Variants in UNC5D observed in about 807,000 individuals in gnomAD.
UNC5D encodes the protein unc-5 netrin receptor D, also known as netrin receptor UNC5D.
A neutral mutation model predicts 105.4 loss-of-function variants in UNC5D; 39 were observed. The observed-to-expected ratio is 0.37, with a 90% CI of 0.29 to 0.48. UNC5D has a LOEUF of 0.48. Among genes scored for constraint, UNC5D ranks in the 20% least tolerant of loss-of-function variants. UNC5D has a pLI of 0.98. For synonymous variants in UNC5D, 452 were observed against 450.4 expected (o/e 1.00, Z -0.04); for missense variants, 991 against 1,202.4 (o/e 0.82, Z 2.60).
At chr8:35,765,452 AAAC>A (rs1158888345) in intron 14 of UNC5D, among the ~76,000 whole-genome samples, 1 of 152,206 alleles carries the variant, frequency 6.6e-6, no homozygotes, top group African/African-American at 2.4e-5. Flanking sequence ...GATTAATAAC[AAAC>A]AAAACGACCC....
At chr8:35,777,842 GA>G (rs1442214868) in intron 16 of UNC5D, among the ~76,000 whole-genome samples, 1 of 152,182 alleles carries the variant, frequency 6.6e-6, no homozygotes, top group Non-Finnish European at 1.5e-5. Context: ...ATCTTAAAGT[GA>G]AGGAAGAAGG....
intron 4 of UNC5D, among the ~76,000 whole-genome samples, chr8:35,648,537 G>T (rs1823201842): frequency 6.6e-6 from 1 of 151,852 alleles, no homozygotes; most frequent in African/African-American, 2.4e-5. Flanking sequence ...AAATTAGCCG[G>T]GTATGGTTGC....
chr8:35,526,935 G>A (rs1813917548), intron 1 of UNC5D, among the ~76,000 whole-genome samples: 1 of 152,184 alleles, frequency 6.6e-6, no homozygotes, highest in Admixed American at 6.6e-5. Context: ...ATGTGTAAAT[G>A]ACTGTTTGTA....
chr8:35,527,612 G>A (rs1055653605), intron 1 of UNC5D, among the ~76,000 whole-genome samples: 2 of 151,864 alleles, frequency 1.3e-5, no homozygotes, highest in Non-Finnish European at 2.9e-5. Context: ...GCATGATCTC[G>A]ACTCACTGCA....
intron 4 of UNC5D, among the ~76,000 whole-genome samples, chr8:35,651,950 T>A (rs763948692): frequency 3.3e-5 from 5 of 152,206 alleles, no homozygotes; most frequent in Non-Finnish European, 7.3e-5. Flanking sequence ...GTACAAATGG[T>A]GCTTATCTTT....
chr8:35,469,027 G>A (rs945065199), intron 1 of UNC5D, among the ~76,000 whole-genome samples: 2 of 152,184 alleles, frequency 1.3e-5, no homozygotes, highest in African/African-American at 2.4e-5. Context: ...GGGAGTTGGA[G>A]AGGGTGGTAG....
rs1396237365 is a variant in UNC5D at position 35,683,707 on chromosome 8, C to T, written c.731C>T (p.Ser244Leu). 3 of 1,551,894 alleles carry T rather than the reference C, an allele frequency of 1.9e-6. No homozygotes were observed. Among genetic ancestry groups the T allele is most frequent in the Middle Eastern group, 1.7e-4 (1 of 5,854 alleles). ...ATCGTGGCTAAGAGGAGAAGCCTGT[C>T]GGCCACTGTTGTGGTCTACGGTAAG... ...ANIVAKRRSL[S>L]ATVVVYVNGG... Residue 244 changes from serine to leucine, a missense_variant, in exon 5 of 17, where the codon TCG (serine) becomes TTG (leucine). Physicochemically the swap from Ser to Leu is moderately radical, Grantham distance 145 (BLOSUM62 -2). Around this residue, in one of 3 missense-constraint regions of UNC5D, gnomAD observed 944 missense variants for 1,131.6 expected, o/e 0.83. Transcript: ENST00000404895.
At position 35,787,044 on chromosome 8, in the gene UNC5D, T is replaced by C. The variant is rs568835195; in HGVS notation, c.2658-3315T>C. ...CACGCTCATTCACTTAACATATTGT[T>C]TCTGTCTGTTTTTGCAATACCAAGG... On this transcript the variant is annotated intron_variant, in intron 16 of 16. Transcript: ENST00000404895. 3.3e-5 allele frequency among the ~76,000 whole-genome samples: 5 copies of C among 152,356 alleles called. No homozygotes were observed. The South Asian group carries it at 6.2e-4, about 19-fold the overall frequency.
intron 1 of UNC5D, among the ~76,000 whole-genome samples, chr8:35,482,793 CTTTTTTTTTTT>C (rs5890816): frequency 1.3e-5 from 1 of 78,134 alleles, no homozygotes; most frequent in Non-Finnish European, 2.3e-5. Flanking sequence ...TTAAAGAGAT[CTTTTTTTTTTT>C]TTTTTTTTTT....
At chr8:35,664,320 T>C (rs1332863636) in intron 4 of UNC5D, among the ~76,000 whole-genome samples, 2 of 152,162 alleles carry the variant, frequency 1.3e-5, no homozygotes, top group Non-Finnish European at 2.9e-5. Context: ...TGCTTGGATG[T>C]TTGTTTTAAT....
intron 1 of UNC5D, among the ~76,000 whole-genome samples, chr8:35,538,389 AAAT>A (rs1231665859): frequency 8.5e-6 from 1 of 118,008 alleles, no homozygotes; most frequent in African/African-American, 3.4e-5. Flanking sequence ...ATTTAAAAAA[AAAT>A]AATTATATAT....
At chr8:35,397,888 T>A (rs903839723) in intron 1 of UNC5D, among the ~76,000 whole-genome samples, 2 of 152,186 alleles carry the variant, frequency 1.3e-5, no homozygotes, top group Non-Finnish European at 2.9e-5. Context: ...CACTTCACCT[T>A]GCTCTTAAGA....
At chr8:35,329,098 T>C (rs186689096) in intron 1 of UNC5D, among the ~76,000 whole-genome samples, 17 of 152,168 alleles carry the variant, frequency 1.1e-4, no homozygotes, top group African/African-American at 3.9e-4. Context: ...GTATCTCTTA[T>C]ATATCTAACT....
intron 11 of UNC5D, among the ~76,000 whole-genome samples, chr8:35,734,972 CAG>C (rs1829389917): frequency 6.6e-6 from 1 of 151,604 alleles, no homozygotes; most frequent in South Asian, 2.1e-4. Flanking sequence ...TTAGTAGAGA[CAG>C]GGCATATTGG....
intron 2 of UNC5D, among the ~76,000 whole-genome samples, chr8:35,551,548 G>A (rs974800661): frequency 3.3e-5 from 5 of 152,108 alleles, no homozygotes; most frequent in African/African-American, 7.2e-5. Flanking sequence ...AGCCGGGTGC[G>A]GTGGCTCACG....
chr8:35,790,325 G>A (rs370390249), intron 16 of UNC5D, 34 bp from the exon 17 acceptor site: 69 of 1,596,172 alleles, frequency 4.3e-5, no homozygotes, highest in African/African-American at 2.0e-4. Context: ...TTCATGTTTC[G>A]TTTTGTTCTT....
intron 1 of UNC5D, among the ~76,000 whole-genome samples, chr8:35,536,800 A>G (rs1223616608): frequency 6.6e-6 from 1 of 152,154 alleles, no homozygotes; most frequent in East Asian, 1.9e-4. Flanking sequence ...GTTTGAGACC[A>G]GCCTGGCCAA....
intron 1 of UNC5D, among the ~76,000 whole-genome samples, chr8:35,314,851 C>T (rs1809166853): frequency 1.3e-5 from 2 of 152,076 alleles, no homozygotes; most frequent in Non-Finnish European, 2.9e-5. Flanking sequence ...AACATGGAAA[C>T]ACTACAGTGG....
intron 2 of UNC5D, among the ~76,000 whole-genome samples, chr8:35,549,720 T>A (rs1410776833): frequency 6.6e-6 from 1 of 152,174 alleles, no homozygotes; most frequent in Non-Finnish European, 1.5e-5. Flanking sequence ...CAGAGGCATT[T>A]TTTTCTTGCT....
Sources: gnomAD v4.1 joint callset for allele counts (sites outside exome capture counted in the v4.1 genomes callset) on GRCh38, gnomAD v4.1.1 for gene constraint, gnomAD v4.1.1 regional missense constraint, MANE v1.5 for transcripts, NCBI Gene and HGNC (gene_info 2026-07-23, HGNC 2026-07-21) for gene names.